Variants in NTRK3 observed in about 807,000 individuals in gnomAD.
The protein encoded by NTRK3 is neurotrophic receptor tyrosine kinase 3.
Under a neutral mutation model 91.7 loss-of-function variants are expected in NTRK3, and 24 were observed. That is an observed-to-expected ratio of 0.26 (90% CI 0.19 to 0.37). The LOEUF (loss-of-function observed/expected upper bound fraction) is 0.37. Ranked by LOEUF, NTRK3 falls within the 10% of genes least tolerant of loss-of-function variation. The pLI is 1.00. For synonymous variants in NTRK3, 483 were observed against 404.0 expected (o/e 1.20, Z -2.34); for missense variants, 880 against 1,068.9 (o/e 0.82, Z 2.46).
intron 14 of NTRK3, among the ~76,000 whole-genome samples, chr15:88,027,287 G>A (rs2078115801): frequency 6.6e-6 from 1 of 152,206 alleles, no homozygotes; most frequent in South Asian, 2.1e-4. Context: ...GTTAAAGATC[G>A]CATAAGAAAA....
rs1321133356 is a variant in NTRK3, at chr15:88,184,314, G to A, written c.249-15C>T. 1.2e-6 allele frequency: 2 copies of A among 1,613,340 alleles called. No individual in the cohort carries two copies. The highest frequency in any genetic ancestry group is 1.7e-6 in the Non-Finnish European group (2 of 1,179,556). On this transcript the variant is annotated splice_polypyrimidine_tract_variant and intron_variant, in intron 3 of 18. Coordinates refer to ENST00000394480, the Ensembl canonical transcript of NTRK3. ...TCTCTATGTGTCTGCAGGGGAGGAGGAAAGGTAACGGTCAGCCAGAAGCAA... is the reference window on the plus strand; with the variant it reads ...TCTCTATGTGTCTGCAGGGGAGGAGAAAAGGTAACGGTCAGCCAGAAGCAA...
At chr15:88,092,235 C>T (rs146430131) in intron 13 of NTRK3, among the ~76,000 whole-genome samples, 284 of 152,306 alleles carry the variant, frequency 1.9e-3, no homozygotes, top group African/African-American at 6.2e-3. Context: ...CTATCTCAGC[C>T]GCTCAGTGTC....
intron 5 of NTRK3, among the ~76,000 whole-genome samples, chr15:88,161,466 G>A (rs773634058): frequency 4.6e-5 from 7 of 152,228 alleles, no homozygotes; most frequent in Admixed American, 1.3e-4. Context: ...AGGATCCTAC[G>A]ATTCTTAGGT....
At chr15:87,916,458 G>A (rs1026920418) in intron 17 of NTRK3, 20 of 699,568 alleles carry the variant, frequency 2.9e-5, no homozygotes, top group Middle Eastern at 2.3e-4. Context: ...CTCCTTTCCC[G>A]AGGACAGAAT....
chr15:87,923,712 T>C (rs1339045954), intron 17 of NTRK3, among the ~76,000 whole-genome samples: 5 of 152,202 alleles, frequency 3.3e-5, no homozygotes, highest in Admixed American at 2.6e-4. Flanking sequence ...AGATCCTCTG[T>C]TGAAAACTTA....
At chr15:88,082,847 ATCTC>A (rs2048177887) in intron 13 of NTRK3, among the ~76,000 whole-genome samples, 1 of 152,154 alleles carries the variant, frequency 6.6e-6, no homozygotes, top group African/African-American at 2.4e-5. Flanking sequence ...TCAGCTCTTT[ATCTC>A]TTTTACACAG....
At chr15:88,169,437 G>T (rs1240735993) in intron 5 of NTRK3, among the ~76,000 whole-genome samples, 2 of 152,134 alleles carry the variant, frequency 1.3e-5, no homozygotes, top group Non-Finnish European at 2.9e-5. Context: ...ATGCCCCTCT[G>T]GAAGGAGCCA....
At chr15:88,244,654 G>T (rs2052659781) in intron 3 of NTRK3, among the ~76,000 whole-genome samples, 1 of 152,150 alleles carries the variant, frequency 6.6e-6, no homozygotes, top group South Asian at 2.1e-4. Flanking sequence ...CAGAAATCAT[G>T]GTCTAGTGCC....
intron 17 of NTRK3, among the ~76,000 whole-genome samples, chr15:87,889,204 G>C (rs1372355072): frequency 6.6e-6 from 1 of 151,970 alleles, no homozygotes; most frequent in East Asian, 1.9e-4. Flanking sequence ...AAATGGAAGG[G>C]ATAACTATAT....
exon 17 of NTRK3, chr15:87,929,313 C>A (rs2068589835): frequency 3.7e-6 from 6 of 1,613,958 alleles, no homozygotes; most frequent in Non-Finnish European, 5.1e-6. Flanking sequence ...TGCTGGGAGG[C>A]CAGGTACACC....
At chr15:88,152,762 AC>A (rs1382185013) in intron 5 of NTRK3, among the ~76,000 whole-genome samples, 2 of 151,886 alleles carry the variant, frequency 1.3e-5, no homozygotes, top group African/African-American at 2.4e-5. Context: ...GTTTTCTGTC[AC>A]CCCCTTGCTC....
At chr15:88,113,306 A>G (rs957768588) in intron 13 of NTRK3, among the ~76,000 whole-genome samples, 2 of 122,418 alleles carry the variant, frequency 1.6e-5, no homozygotes, top group African/African-American at 6.9e-5. Context: ...CCTGCTGATC[A>G]ATTTCTTTTT....
intron 16 of NTRK3, chr15:87,931,309 T>G (rs1314042725): frequency 2.0e-6 from 1 of 489,774 alleles, no homozygotes; most frequent in African/African-American, 2.0e-5. Context: ...AAGGACAAAG[T>G]GAGGGCTATC....
intron 3 of NTRK3, among the ~76,000 whole-genome samples, chr15:88,191,868 G>A (rs2047427391): frequency 6.6e-6 from 1 of 152,206 alleles, no homozygotes; most frequent in African/African-American, 2.4e-5. Context: ...TCCCTCCCTT[G>A]ACAGCTGTTG....
At chr15:87,956,267 G>A (rs1362604725) in intron 14 of NTRK3, among the ~76,000 whole-genome samples, 1 of 152,146 alleles carries the variant, frequency 6.6e-6, no homozygotes, top group African/African-American at 2.4e-5. Flanking sequence ...AAAGTGGGCT[G>A]TTCTGGTTTT....
At chr15:87,927,193 G>A (rs536030131) in intron 17 of NTRK3, 1 of 152,334 alleles carries the variant, frequency 6.6e-6, no homozygotes, top group African/African-American at 2.4e-5. Context: ...CCAGCTTGCT[G>A]TGGACACTGT....
intron 13 of NTRK3, among the ~76,000 whole-genome samples, chr15:88,122,599 T>C (rs1410047725): frequency 6.6e-6 from 1 of 152,200 alleles, no homozygotes; most frequent in Non-Finnish European, 1.5e-5. Flanking sequence ...TTATTCTAGG[T>C]GGAGGGAATA....
chr15:88,228,183 G>A (rs575259754), intron 3 of NTRK3, among the ~76,000 whole-genome samples: 62 of 152,098 alleles, frequency 4.1e-4, no homozygotes, highest in South Asian at 1.9e-3. Flanking sequence ...CCTCTCTCCT[G>A]GGCTCCCCAC....
intron 14 of NTRK3, among the ~76,000 whole-genome samples, chr15:87,945,187 G>T (rs748530194): frequency 6.6e-6 from 1 of 152,286 alleles, no homozygotes; most frequent in Non-Finnish European, 1.5e-5. Flanking sequence ...TAATGGGAAG[G>T]GTTCTTTGGA....
Sources: allele counts gnomAD v4.1 joint callset (sites outside exome capture counted in the v4.1 genomes callset), GRCh38; gene constraint gnomAD v4.1.1; transcripts MANE v1.5; gene names NCBI Gene and HGNC (gene_info 2026-07-23, HGNC 2026-07-21).